Variants in SCAF4 observed in about 807,000 individuals in gnomAD.
SCAF4 encodes SR-related and CTD-associated factor 4.
Under a neutral mutation model 129.8 loss-of-function variants are expected in SCAF4, and 25 were observed. The ratio of observed to expected loss-of-function variants is 0.19; its 90% confidence interval spans 0.14 to 0.27. SCAF4 has a LOEUF of 0.27. SCAF4 is among the 10% of genes least tolerant of loss of function. The pLI, the probability that SCAF4 is intolerant of heterozygous loss-of-function variation, is 1.00. For missense variants in SCAF4, 1,246 were observed against 1,457.1 expected (o/e 0.86, Z 2.36); for synonymous variants, 551 against 497.7 (o/e 1.11, Z -1.43).
chr21:31,710,373 A>G (rs189133386), intron 1 of SCAF4, among the ~76,000 whole-genome samples: 4 of 152,232 alleles, frequency 2.6e-5, no homozygotes, highest in Non-Finnish European at 2.9e-5. Flanking sequence ...ACATGGTGAA[A>G]CCCTGTCTCT....
chr21:31,676,425 G>A (rs942258330), intron 19 of SCAF4, among the ~76,000 whole-genome samples: 2 of 152,094 alleles, frequency 1.3e-5, no homozygotes, highest in Non-Finnish European at 2.9e-5. Flanking sequence ...CTGCTCTGGA[G>A]TCCATGGCTC....
In SCAF4 at chr21:31,685,071, T is replaced by C. The variant is rs1249219264; in HGVS notation, c.2466A>G (p.Val822=). Residue 822 remains valine (V), a synonymous_variant, in exon 19 of 20, where the codon GTA becomes GTG. Transcript: ENST00000286835. ...TACCAAGAAGTGAAACAGGCTGGGT[T>C]ACAGGAGGGGTGGGCAGATTCGTGG... ...AAPTNLPTPP[V]TQPVSLLGTQ... is the part of the protein sequence containing the mutation. The C allele has an allele frequency of 5.6e-6, 9 of 1,611,296 alleles. No individual in the cohort carries two copies. The South Asian group carries it at 8.8e-5, about 16-fold the overall frequency.
intron 15 of SCAF4, 110 bp from the exon 16 acceptor site, chr21:31,688,574 T>C: frequency 1.2e-6 from 1 of 835,648 alleles, no homozygotes; most frequent in Non-Finnish European, 1.9e-6. Context: ...ATTAAAGAAA[T>C]TCCCATGCTA....
intron 1 of SCAF4, among the ~76,000 whole-genome samples, chr21:31,711,260 ACAGT>A (rs1254370605): frequency 1.3e-5 from 2 of 152,250 alleles, no homozygotes; most frequent in Non-Finnish European, 2.9e-5. Context: ...TCACCTTTTA[ACAGT>A]CAATGAATGC....
At chr21:31,718,248 TA>T (rs2050987435) in intron 1 of SCAF4, among the ~76,000 whole-genome samples, 1 of 151,410 alleles carries the variant, frequency 6.6e-6, no homozygotes, top group East Asian at 2.0e-4. Context: ...GCCAGGCCTA[TA>T]TTTTTTTCAA....
rs140845975 is a variant in SCAF4 at position 31,694,852 on chromosome 21, C to G, written c.1197G>C (p.Gln399His). The change falls in exon 10 of 20, where the codon CAG (glutamine) becomes CAC (histidine). Residue 399 changes from glutamine to histidine, a missense_variant. Gln to His is a conservative substitution (Grantham distance 24). Coordinates refer to ENST00000286835, the MANE Select transcript of SCAF4 (RefSeq NM_020706.2). ...TCTGTGTAAGTGGTTCATTTTGTGC[C>G]TGAAAAGAAGCTTGGAAAGGCTGCT... ...PVQQPFQASF[Q>H]AQNEPLTQKP... is the part of the protein sequence containing the mutation. The G allele has an allele frequency of 1.4e-4, 223 of 1,614,084 alleles. 1 individual carries two copies. Among genetic ancestry groups the G allele is most frequent in the South Asian group, 6.4e-4 (58 of 91,086 alleles).
At position 31,688,402 on chromosome 21, in the gene SCAF4, A is replaced by C; in HGVS notation, c.1948T>G (p.Ser650Ala). 4 of 1,613,968 alleles carry C rather than the reference A, an allele frequency of 2.5e-6. No individual in the cohort carries two copies. The highest frequency in any genetic ancestry group is 3.4e-6 in the Non-Finnish European group (4 of 1,179,926). ...ATGGGTGATACTGGTTCTGTGTGTG[A>C]GGTTTCAGCACCTCCATTTTGAGCA... ...EVAQNGGAET[S>A]HTEPVSPIPK... The change falls in exon 16 of 20, where the codon TCA becomes GCA. Residue 650 changes from serine to alanine, a missense_variant. Ser to Ala is a moderately conservative substitution (Grantham distance 99). Around this residue, in one of 6 missense-constraint regions of SCAF4, gnomAD observed 468 missense variants for 605.5 expected, o/e 0.77. Transcript: ENST00000286835.
chr21:31,731,971 G>A lies in SCAF4; in HGVS notation c.-279C>T, dbSNP rs935192072. On this transcript the variant is annotated 5_prime_UTR_variant, in exon 1 of 20. Coordinates refer to ENST00000286835, the MANE Select transcript of SCAF4 (RefSeq NM_020706.2). Reference sequence around the variant, plus strand: ...TTCAACATGTCCGTTTGGTGGTGGCGGCTGCGCTCTGCGTCTCGCTGACAC... The same window carrying A: ...TTCAACATGTCCGTTTGGTGGTGGCAGCTGCGCTCTGCGTCTCGCTGACAC... 2 of 475,068 alleles carry A rather than the reference G, an allele frequency of 4.2e-6. No individual in the cohort carries two copies. Among genetic ancestry groups the A allele is most frequent in the Admixed American group, 4.4e-5 (1 of 22,910 alleles). The allele number at this position is 475,068 out of a possible 1,614,324, so 29.4% of individuals were successfully genotyped here. A position where few individuals can be genotyped will look rare whatever the true frequency, so the allele number is the denominator to read the frequency against.
intron 1 of SCAF4, among the ~76,000 whole-genome samples, chr21:31,729,346 T>G (rs556740723): frequency 6.6e-6 from 1 of 152,200 alleles, no homozygotes; most frequent in Non-Finnish European, 1.5e-5. Flanking sequence ...AGCCTTCACT[T>G]ATCTCCAATG....
At chr21:31,710,062 T>TGC (rs921554897) in intron 1 of SCAF4, among the ~76,000 whole-genome samples, 2 of 152,048 alleles carry the variant, frequency 1.3e-5, no homozygotes, top group African/African-American at 4.8e-5. Context: ...AAGGCATCTG[T>TGC]GCCTGCCTGT....
Position 31,671,462 on chromosome 21 carries a change from A to G in SCAF4, c.3381T>C (p.Ala1127=). The G allele has an allele frequency of 6.2e-7, 1 of 1,614,176 alleles. No homozygotes were observed. Among genetic ancestry groups the G allele is most frequent in the Non-Finnish European group, 8.5e-7 (1 of 1,180,006 alleles). Residue 1127 remains alanine, a synonymous_variant, in exon 20 of 20, where the codon GCT becomes GCC. Coordinates refer to ENST00000286835, the MANE Select transcript of SCAF4 (RefSeq NM_020706.2). ...CGGGTTCAACGGATGAGGTAGCCTC[A>G]GCAGGTAACTCTTCAGAAGGCTTTA... ...AVLKPSEELP[A]EATSSVEPEK... is the part of the protein sequence containing the mutation.
In SCAF4 at chr21:31,725,095, T is replaced by TA. The variant is rs139433319; in HGVS notation, c.30+6567dup. On this transcript the variant is annotated intron_variant, in intron 1 of 19. Transcript: ENST00000286835. ...TTTCAACATTCAAAAACTCCTGGGA[T>TA]AACAGCACAACATGGTCAACTTTTG... Among the ~76,000 whole-genome samples the TA allele has an allele frequency of 6.0e-3, 920 of 152,310 alleles. 6 individuals carry two copies. The highest frequency in any genetic ancestry group is 0.021 in the African/African-American group (875 of 41,572).
rs1396659725 is a variant in SCAF4, at chr21:31,671,076, T to G, written c.*323A>C. On this transcript the variant is annotated 3_prime_UTR_variant, in exon 20 of 20. Coordinates refer to ENST00000286835, the MANE Select transcript of SCAF4 (RefSeq NM_020706.2). ...TTTATTAAAAACATCCCTATTGTTTTGAGGAGCTTTCACCGTTACCTTGTC... is the reference window on the plus strand; with the variant it reads ...TTTATTAAAAACATCCCTATTGTTTGGAGGAGCTTTCACCGTTACCTTGTC... 4.2e-6 allele frequency: 1 copy of G among 235,600 alleles called. No homozygotes were observed. 14.6% of individuals were successfully genotyped at this position (235,600 alleles called of 1,614,324 possible).
At chr21:31,677,027 AT>A (rs1208323536) in intron 19 of SCAF4, among the ~76,000 whole-genome samples, 1 of 152,058 alleles carries the variant, frequency 6.6e-6, no homozygotes, top group Non-Finnish European at 1.5e-5. Flanking sequence ...TAAGTCCTTC[AT>A]TTTTTATTAC....
chr21:31,717,795 A>C lies in SCAF4; in HGVS notation c.31-11438T>G, dbSNP rs1310481316. ...ATAAAATGAACAACATACACTGTGC[A>C]AAAAAAAAAAAATTTTTGGGAAACT... is the stretch of plus-strand genomic sequence containing the variant. On this transcript the variant is annotated intron_variant, in intron 1 of 19. Transcript: ENST00000286835. Among the ~76,000 whole-genome samples, 4 of 144,514 alleles carry C rather than the reference A, an allele frequency of 2.8e-5. No individual in the cohort carries two copies. The East Asian group carries it at 8.0e-4, about 29-fold the overall frequency. The allele number at this position is 144,514 out of a possible 152,430, so 94.8% of individuals were successfully genotyped here.
At chr21:31,696,796 C>T in intron 7 of SCAF4, 46 bp from the exon 8 acceptor site, 2 of 1,490,466 alleles carry the variant, frequency 1.3e-6, no homozygotes, top group Non-Finnish European at 1.8e-6. Context: ...TAGACTGATT[C>T]ACTGCACAAA....
At chr21:31,704,093 A>G (rs2050596464) in intron 3 of SCAF4, among the ~76,000 whole-genome samples, 167 bp from the exon 4 acceptor site, 1 of 152,088 alleles carries the variant, frequency 6.6e-6, no homozygotes, top group East Asian at 1.9e-4. Flanking sequence ...CAAATTTCCC[A>G]TGTCTATAAT....
At chr21:31,674,648 T>A (rs2049803916) in intron 19 of SCAF4, among the ~76,000 whole-genome samples, 1 of 152,190 alleles carries the variant, frequency 6.6e-6, no homozygotes, top group African/African-American at 2.4e-5. Context: ...AGCTAGGAAG[T>A]CCTTATTAGG....
chr21:31,686,912 C>G (rs780087568), intron 16 of SCAF4, among the ~76,000 whole-genome samples: 2 of 152,118 alleles, frequency 1.3e-5, no homozygotes, highest in Non-Finnish European at 2.9e-5. Context: ...GAAACTGGTC[C>G]CTGGTGCCGG....
Sources: allele counts gnomAD v4.1 joint callset (sites outside exome capture counted in the v4.1 genomes callset), GRCh38; gene constraint gnomAD v4.1.1; regional missense constraint gnomAD v4.1.1; transcripts MANE v1.5; gene names NCBI Gene and HGNC (gene_info 2026-07-23, HGNC 2026-07-21).